SGCD: variants seen among roughly 807,000 people sequenced by gnomAD.
SGCD encodes delta-sarcoglycan.
In SGCD, 18 loss-of-function variants were observed where a neutral mutation model predicts 36.6. The observed-to-expected ratio is 0.49, with a 90% CI of 0.34 to 0.73. The LOEUF (loss-of-function observed/expected upper bound fraction) is 0.73, where lower values mean the gene tolerates loss of function less well. SGCD is among the 30% of genes least tolerant of loss of function. The pLI is 0.01. For synonymous variants in SGCD, 133 were observed against 130.6 expected, an observed-to-expected ratio of 1.02 and a Z score of -0.12; for missense variants, 387 against 346.7, an observed-to-expected ratio of 1.12 and a Z score of -0.92.
chr5:156,722,079 T>G (rs1366289224), intron 7 of SGCD, among the ~76,000 whole-genome samples: 1 of 152,210 alleles, frequency 6.6e-6, no homozygotes, highest in African/African-American at 2.4e-5. Context: ...GCCCTATAGT[T>G]TATTCCTAGA....
the SGCD span, among the ~76,000 whole-genome samples, chr5:155,759,139 G>A: frequency 6.6e-6 from 1 of 151,992 alleles, no homozygotes; most frequent in Non-Finnish European, 1.5e-5. Context: ...ACCACACCTG[G>A]CCTGACTTTT....
chr5:156,594,007 T>C (rs1760828016), intron 5 of SGCD, among the ~76,000 whole-genome samples: 1 of 152,182 alleles, frequency 6.6e-6, no homozygotes, highest in Non-Finnish European at 1.5e-5. Context: ...ATGATTATAC[T>C]CCTGGATTAT....
chr5:156,681,231 G>A (rs138769509), intron 7 of SGCD, among the ~76,000 whole-genome samples: 3 of 152,194 alleles, frequency 2.0e-5, no homozygotes, highest in African/African-American at 4.8e-5. Flanking sequence ...TTTACTGAGC[G>A]GTAGTGGCTC....
At chr5:156,607,138 A>G (rs548931644) in intron 6 of SGCD, among the ~76,000 whole-genome samples, 3 of 152,248 alleles carry the variant, frequency 2.0e-5, no homozygotes, top group Admixed American at 2.0e-4. Context: ...TTCAAAGGGA[A>G]TGCTTCCAGT....
intron 7 of SGCD, among the ~76,000 whole-genome samples, chr5:156,753,774 G>A (rs907165585): frequency 1.3e-5 from 2 of 152,268 alleles, no homozygotes; most frequent in African/African-American, 2.4e-5. Context: ...CATGAGAACA[G>A]CATGGGGGTA....
chr5:156,404,379 G>A (rs1772305803), intron 3 of SGCD, among the ~76,000 whole-genome samples: 1 of 152,148 alleles, frequency 6.6e-6, no homozygotes, highest in South Asian at 2.1e-4. Context: ...GATGTCATAG[G>A]GGAGCCAGAG....
intron 1 of SGCD, among the ~76,000 whole-genome samples, chr5:156,095,781 C>T (rs1309584887): frequency 1.3e-5 from 2 of 152,214 alleles, no homozygotes; most frequent in Non-Finnish European, 2.9e-5. Flanking sequence ...AAGAGTCCCA[C>T]AGCCTTGTCT....
intron 3 of SGCD, among the ~76,000 whole-genome samples, chr5:156,398,117 G>A (rs1455673931): frequency 1.3e-5 from 2 of 152,196 alleles, no homozygotes; most frequent in Admixed American, 6.5e-5. Context: ...CTTAGGCATT[G>A]GCCTTTGGTT....
intron 3 of SGCD, among the ~76,000 whole-genome samples, chr5:156,155,979 A>G (rs957754087): frequency 6.6e-6 from 1 of 151,726 alleles, no homozygotes; most frequent in Non-Finnish European, 1.5e-5. Context: ...CCAAAAAGCT[A>G]TCAAAAAATC....
chr5:156,605,041 TTGTG>T (rs145050755), intron 6 of SGCD, among the ~76,000 whole-genome samples: 1 of 151,514 alleles, frequency 6.6e-6, no homozygotes, highest in East Asian at 1.9e-4. Flanking sequence ...TTTTTTTCTC[TTGTG>T]TGTGTGTGTG....
chr5:155,825,450 T>G, the SGCD span, among the ~76,000 whole-genome samples: 1 of 152,206 alleles, frequency 6.6e-6, no homozygotes, highest in Admixed American at 6.5e-5. Flanking sequence ...TATTCAGAAT[T>G]ATCATTTTGA....
intron 3 of SGCD, among the ~76,000 whole-genome samples, chr5:156,311,746 T>C (rs2127690830): frequency 6.6e-6 from 1 of 152,266 alleles, no homozygotes; most frequent in Non-Finnish European, 1.5e-5. Context: ...TCTTTTTTTC[T>C]TTCATAAAAA....
At chr5:156,082,736 C>G (rs1356467338) in intron 1 of SGCD, among the ~76,000 whole-genome samples, 1 of 152,212 alleles carries the variant, frequency 6.6e-6, no homozygotes, top group Non-Finnish European at 1.5e-5. Context: ...CTTTATTTCT[C>G]TGAAATACAT....
the SGCD span, among the ~76,000 whole-genome samples, chr5:155,835,188 A>G: frequency 6.6e-6 from 1 of 151,324 alleles, no homozygotes; most frequent in Non-Finnish European, 1.5e-5. Context: ...TTGTATTTTT[A>G]GTAGAGACAG....
intron 6 of SGCD, among the ~76,000 whole-genome samples, chr5:156,616,238 G>A (rs1197014501): frequency 1.3e-5 from 2 of 152,172 alleles, no homozygotes; most frequent in East Asian, 1.9e-4. Context: ...TTTATTCTGT[G>A]TGGACTGTCA....
intron 3 of SGCD, among the ~76,000 whole-genome samples, chr5:156,355,755 G>A (rs1580865008): frequency 6.6e-6 from 1 of 152,230 alleles, no homozygotes; most frequent in East Asian, 1.9e-4. Flanking sequence ...TTGTGCCTCA[G>A]CCTCCTGAGT....
At chr5:156,601,292 C>T (rs203997) in intron 6 of SGCD, among the ~76,000 whole-genome samples, 39,499 of 151,986 alleles carry the variant, frequency 0.26, 5,200 homozygotes, top group East Asian at 0.31. Flanking sequence ...TCTTTAAATC[C>T]ATTTTGATGT....
chr5:155,851,472 G>A, the SGCD span, among the ~76,000 whole-genome samples: 1 of 152,080 alleles, frequency 6.6e-6, no homozygotes, highest in African/African-American at 2.4e-5. Flanking sequence ...AGCCATCAGT[G>A]CCTTTGGTCT....
intron 2 of SGCD, among the ~76,000 whole-genome samples, chr5:156,335,084 G>A (rs1373396702): frequency 1.3e-5 from 2 of 152,000 alleles, no homozygotes; most frequent in East Asian, 3.9e-4. Context: ...TAATTATATC[G>A]ATCTCCCATA....
Sources: allele counts gnomAD v4.1 joint callset (sites outside exome capture counted in the v4.1 genomes callset), GRCh38; gene constraint gnomAD v4.1.1; transcripts MANE v1.5; gene names NCBI Gene and HGNC (gene_info 2026-07-23, HGNC 2026-07-21).